The following GABRG3 variants were observed in gnomAD, a reference collection of about 807,000 sequenced individuals.
GABRG3 encodes the protein gamma-aminobutyric acid type A receptor subunit gamma3.
GABRG3 carries 25 observed loss-of-function variants against 48.8 expected under a neutral mutation model. The ratio of observed to expected loss-of-function variants is 0.51; its 90% CI spans 0.37 to 0.72. The LOEUF is 0.72. Ranked by LOEUF, GABRG3 falls within the 30% of genes least tolerant of loss-of-function variation. The pLI, the probability that GABRG3 is intolerant of heterozygous loss-of-function variation, is 0.00. For synonymous variants in GABRG3, 227 were observed against 217.6 expected, an observed-to-expected ratio of 1.04 and a Z score of -0.38; for missense variants, 394 against 577.9, an observed-to-expected ratio of 0.68 and a Z score of 3.26.
At position 27,480,922 on chromosome 15, in the gene GABRG3, C is replaced by G. The variant is rs190554781; in HGVS notation, c.712+135C>G. 4 of 1,423,536 alleles carry G rather than the reference C, an allele frequency of 2.8e-6. No homozygotes were observed. In the African/African-American group the frequency reaches 5.7e-5, roughly 20 times the overall value. The allele number at this position is 1,423,536 out of a possible 1,614,324, so 88.2% of individuals were successfully genotyped here. ...GATATTTGAGACAAAACAAGTGATT[C>G]AAAGTGAAACTATGTTTTCATGTTT... On this transcript the variant is annotated intron_variant, in intron 6 of 9. Coordinates refer to ENST00000615808, the MANE Select transcript of GABRG3 (RefSeq NM_033223.5).
intron 3 of GABRG3, among the ~76,000 whole-genome samples, chr15:27,306,982 ATAAACATGTTTATATATAAACATGT>A: frequency 8.2e-6 from 1 of 121,570 alleles, no homozygotes; most frequent in African/African-American, 3.5e-5. Context: ...CATATATAAT[ATAAACATGTTTATATATAAACATGT>A]ATAAACATGT....
intron 6 of GABRG3, among the ~76,000 whole-genome samples, chr15:27,515,304 G>A (rs1457501392): frequency 2.6e-5 from 4 of 152,078 alleles, no homozygotes; most frequent in African/African-American, 9.7e-5. Flanking sequence ...ATGTTGGCCA[G>A]GTGGATTTTG....
At position 27,149,201 on chromosome 15, in the gene GABRG3, C is replaced by T. The variant is rs74956061; in HGVS notation, c.270+122380C>T. 4.3e-4 allele frequency among the ~76,000 whole-genome samples: 65 copies of T among 151,998 alleles called. No individual in the cohort carries two copies. The East Asian group carries it at 6.9e-3, about 16-fold the overall frequency. On this transcript the variant is annotated intron_variant, in intron 3 of 9. Transcript: ENST00000615808. ...CAGAACATATTGAATTTTATACATT[C>T]GCAGTGAACACTGAAAATTAAGAGA...
intron 3 of GABRG3, among the ~76,000 whole-genome samples, chr15:27,226,150 G>C (rs1322676469): frequency 6.6e-6 from 1 of 152,118 alleles, no homozygotes; most frequent in Non-Finnish European, 1.5e-5. Flanking sequence ...TGAGCTGGCA[G>C]AGGGGTGAGA....
chr15:27,276,353 A>G (rs192377089), intron 3 of GABRG3, among the ~76,000 whole-genome samples: 299 of 152,306 alleles, frequency 2.0e-3, no homozygotes, highest in Non-Finnish European at 2.9e-3. Flanking sequence ...TGCTGTGCCA[A>G]TGGTGCAAAT....
intron 3 of GABRG3, among the ~76,000 whole-genome samples, chr15:27,233,321 G>A (rs1473175669): frequency 6.6e-6 from 1 of 152,084 alleles, no homozygotes; most frequent in African/African-American, 2.4e-5. Context: ...GTGGACAAGG[G>A]TGTCTGTCTT....
intron 5 of GABRG3, among the ~76,000 whole-genome samples, chr15:27,336,228 G>A (rs1448856229): frequency 7.3e-5 from 10 of 137,876 alleles, no homozygotes; most frequent in African/African-American, 2.9e-4. Context: ...GAGAGAGAGA[G>A]AGAGAGGAGA....
chr15:27,419,695 A>T (rs978043963), intron 5 of GABRG3, among the ~76,000 whole-genome samples: 4 of 152,194 alleles, frequency 2.6e-5, no homozygotes, highest in African/African-American at 4.8e-5. Context: ...TCACTAAAGG[A>T]GAAAATACAG....
chr15:27,491,000 T>G (rs527589409), intron 6 of GABRG3, among the ~76,000 whole-genome samples: 1 of 152,326 alleles, frequency 6.6e-6, no homozygotes, highest in African/African-American at 2.4e-5. Flanking sequence ...CTTCTCCTTT[T>G]GATTTGCTCT....
intron 3 of GABRG3, among the ~76,000 whole-genome samples, chr15:27,261,091 C>G (rs56213208): frequency 6.6e-6 from 1 of 151,874 alleles, no homozygotes; most frequent in African/African-American, 2.4e-5. Context: ...AAAACAAATA[C>G]GCAAACTTTA....
chr15:27,423,463 C>A (rs1198581591), intron 5 of GABRG3, among the ~76,000 whole-genome samples: 1 of 151,550 alleles, frequency 6.6e-6, no homozygotes, highest in East Asian at 1.9e-4. Context: ...AGTCTATTAT[C>A]AAATCTGGAC....
At chr15:27,336,593 A>G (rs1420643801) in intron 5 of GABRG3, among the ~76,000 whole-genome samples, 2 of 152,230 alleles carry the variant, frequency 1.3e-5, no homozygotes, top group African/African-American at 4.8e-5. Context: ...ATGACACAGA[A>G]AATAGTACAG....
At chr15:27,079,481 T>C (rs1481451219) in intron 3 of GABRG3, among the ~76,000 whole-genome samples, 2 of 152,122 alleles carry the variant, frequency 1.3e-5, no homozygotes, top group African/African-American at 4.8e-5. Context: ...ATTTAGAAGA[T>C]GCCGTGTGGA....
chr15:27,394,762 A>G (rs1187729134), intron 5 of GABRG3, among the ~76,000 whole-genome samples: 1 of 152,166 alleles, frequency 6.6e-6, no homozygotes, highest in Non-Finnish European at 1.5e-5. Context: ...TGACAGTGTT[A>G]AATATATCAT....
At chr15:27,006,834 G>A (rs184707403) in intron 2 of GABRG3, among the ~76,000 whole-genome samples, 47 of 143,266 alleles carry the variant, frequency 3.3e-4, no homozygotes, top group African/African-American at 1.2e-3. Flanking sequence ...ACATGATCTC[G>A]TTTGTTTTTT....
intron 3 of GABRG3, among the ~76,000 whole-genome samples, chr15:27,115,236 A>G (rs1472353441): frequency 1.3e-5 from 2 of 152,096 alleles, no homozygotes; most frequent in South Asian, 2.1e-4. Flanking sequence ...TTATTGCAGG[A>G]AAAGGGTTCA....
chr15:27,141,869 G>C (rs1170801517), intron 3 of GABRG3, among the ~76,000 whole-genome samples: 1 of 152,066 alleles, frequency 6.6e-6, no homozygotes, highest in East Asian at 1.9e-4. Flanking sequence ...TGGACTTGTT[G>C]GCCGTTTCTG....
intron 5 of GABRG3, among the ~76,000 whole-genome samples, chr15:27,408,978 C>T (rs1319455039): frequency 6.6e-6 from 1 of 152,040 alleles, no homozygotes; most frequent in East Asian, 1.9e-4. Context: ...AGTATTAAGC[C>T]AATTAAATGG....
intron 6 of GABRG3, 143 bp from the exon 7 acceptor site, chr15:27,519,829 T>C: frequency 1.5e-6 from 1 of 661,382 alleles, no homozygotes; most frequent in East Asian, 2.8e-5. Flanking sequence ...AACCAGCATT[T>C]TGATCCATTT....
Sources: gnomAD v4.1 joint callset for allele counts (sites outside exome capture counted in the v4.1 genomes callset) on GRCh38, gnomAD v4.1.1 for gene constraint, MANE v1.5 for transcripts, NCBI Gene and HGNC (gene_info 2026-07-23, HGNC 2026-07-21) for gene names.